MED27: variants seen among roughly 807,000 people sequenced by gnomAD.
MED27 encodes mediator of RNA polymerase II transcription subunit 27.
MED27 carries 30 observed loss-of-function variants against 38.2 expected under a neutral mutation model. The observed-to-expected ratio is 0.79, with a 90% CI of 0.59 to 1.07. MED27 has a LOEUF of 1.07. MED27 is among the 50% of genes least tolerant of loss of function. The pLI is 0.00. For synonymous variants in MED27, 122 were observed against 153.5 expected, an observed-to-expected ratio of 0.79 and a Z score of 1.52; for missense variants, 289 against 397.5, an observed-to-expected ratio of 0.73 and a Z score of 2.32.
chr9:132,026,249 C>A (rs1210455188), intron 2 of MED27, among the ~76,000 whole-genome samples: 4 of 152,208 alleles, frequency 2.6e-5, no homozygotes, highest in Non-Finnish European at 5.9e-5. Flanking sequence ...TGGAAAGTAG[C>A]CTGCTTTGGG....
intron 2 of MED27, among the ~76,000 whole-genome samples, chr9:132,070,482 A>G (rs776539722): frequency 6.6e-6 from 1 of 152,200 alleles, no homozygotes; most frequent in African/African-American, 2.4e-5. Context: ...TCTTGAGCCC[A>G]TAAGGCTGAA....
chr9:131,872,375 G>A lies in MED27; in HGVS notation c.724-9235C>T, dbSNP rs753932144. On this transcript the variant is annotated intron_variant, in intron 6 of 7. Coordinates refer to ENST00000292035, the MANE Select transcript of MED27 (RefSeq NM_004269.4). This position sits in a 1 kb window ranked among gnomAD's most constrained non-coding sequence, Gnocchi z 5.6. ...AGAAGAGCGGGCGCCTCTACTATTC[G>A]GAGTATTTCCTCACAAGATTAGTAA... 1.1e-3 allele frequency among the ~76,000 whole-genome samples: 174 copies of A among 152,316 alleles called. No homozygotes were observed. Among genetic ancestry groups the A allele is most frequent in the Non-Finnish European group, 1.3e-3 (86 of 68,032 alleles).
chr9:132,007,338 T>A (rs1200686765), intron 3 of MED27, among the ~76,000 whole-genome samples: 1 of 151,986 alleles, frequency 6.6e-6, no homozygotes, highest in African/African-American at 2.4e-5. Flanking sequence ...ACCAGTAAGC[T>A]CCAAAGAACA....
intron 2 of MED27, among the ~76,000 whole-genome samples, chr9:132,067,781 G>A (rs995330927): frequency 3.3e-5 from 5 of 151,666 alleles, no homozygotes; most frequent in South Asian, 2.1e-4. Flanking sequence ...GTGTGATCTC[G>A]GCTCATTGCA....
At chr9:132,052,406 A>G (rs558213969) in intron 2 of MED27, among the ~76,000 whole-genome samples, 6 of 152,350 alleles carry the variant, frequency 3.9e-5, no homozygotes, top group Middle Eastern at 3.4e-3. Context: ...CTATCAGGAT[A>G]AAGCCTAATA....
chr9:132,033,510 C>G (rs1833008248), intron 2 of MED27, among the ~76,000 whole-genome samples: 1 of 152,172 alleles, frequency 6.6e-6, no homozygotes, highest in African/African-American at 2.4e-5. Context: ...CCTCCCCTTT[C>G]ACTCCCCTAA....
chr9:131,894,816 AGGTG>A (rs936673958), intron 4 of MED27, among the ~76,000 whole-genome samples: 10 of 151,866 alleles, frequency 6.6e-5, no homozygotes, highest in African/African-American at 2.4e-4. Context: ...TGGTGTTGGG[AGGTG>A]GGGCCTAGTG....
At chr9:131,976,136 C>T (rs770543018) in intron 3 of MED27, among the ~76,000 whole-genome samples, 1 of 152,134 alleles carries the variant, frequency 6.6e-6, no homozygotes, top group African/African-American at 2.4e-5. Flanking sequence ...TGTGTGTGGA[C>T]CAGAGCTGTA....
chr9:131,874,574 T>C (rs1218700460), intron 6 of MED27, among the ~76,000 whole-genome samples: 2 of 151,708 alleles, frequency 1.3e-5, no homozygotes, highest in Non-Finnish European at 2.9e-5. Context: ...GAAGCAGAGG[T>C]GGACACTGCC....
chr9:132,040,788 G>A (rs1833192429), intron 2 of MED27, among the ~76,000 whole-genome samples: 1 of 152,188 alleles, frequency 6.6e-6, no homozygotes, highest in Non-Finnish European at 1.5e-5. Flanking sequence ...AGCACACACG[G>A]CAGGATATTC....
At chr9:131,890,274 G>A (rs1341526520) in intron 5 of MED27, among the ~76,000 whole-genome samples, 3 of 152,160 alleles carry the variant, frequency 2.0e-5, no homozygotes, top group Non-Finnish European at 4.4e-5. Flanking sequence ...TAACAAAGAG[G>A]CCTGGTTCTC....
intron 3 of MED27, among the ~76,000 whole-genome samples, chr9:131,984,650 C>A (rs1831810975): frequency 1.3e-5 from 2 of 152,204 alleles, no homozygotes. Flanking sequence ...GAGGAGGTGT[C>A]ATTTCAGCTA....
At chr9:131,942,063 G>C (rs894373673) in intron 3 of MED27, among the ~76,000 whole-genome samples, 4 of 152,032 alleles carry the variant, frequency 2.6e-5, no homozygotes, top group African/African-American at 9.7e-5. Context: ...CTGACCTTGT[G>C]ATCTGCCCAC....
chr9:131,927,172 A>G (rs953345005), intron 4 of MED27, among the ~76,000 whole-genome samples: 4 of 152,220 alleles, frequency 2.6e-5, no homozygotes, highest in African/African-American at 9.7e-5. Flanking sequence ...GATTTATTAA[A>G]TCATGAGTTA....
At position 131,883,907 on chromosome 9, in the gene MED27, G is replaced by A. The variant is rs990847641; in HGVS notation, c.723+151C>T. 2.5e-5 allele frequency: 16 copies of A among 648,766 alleles called. No homozygotes were observed. In the Admixed American group the frequency reaches 2.9e-4, roughly 12 times the overall value. The allele number at this position is 648,766 out of a possible 1,614,324, so 40.2% of individuals were successfully genotyped here. A position where few individuals can be genotyped will look rare whatever the true frequency, so the allele number is the denominator to read the frequency against. ...CTAAGGTTTTGTTTTTTTCCAGAATGTCATACATATGGAATCAGACAGTGA... is the reference window on the plus strand; with the variant it reads ...CTAAGGTTTTGTTTTTTTCCAGAATATCATACATATGGAATCAGACAGTGA... On this transcript the variant is annotated intron_variant, in intron 6 of 7. Coordinates refer to ENST00000292035, the MANE Select transcript of MED27 (RefSeq NM_004269.4). This position sits in a 1 kb window ranked among gnomAD's most constrained non-coding sequence, Gnocchi z 4.2.
At chr9:131,896,939 C>G (rs1293887791) in intron 4 of MED27, among the ~76,000 whole-genome samples, 1 of 152,014 alleles carries the variant, frequency 6.6e-6, no homozygotes, top group Non-Finnish European at 1.5e-5. Flanking sequence ...ACCATGTTGA[C>G]CAGGCTGGTC....
chr9:131,863,918 T>C (rs1227800218), intron 6 of MED27, among the ~76,000 whole-genome samples: 2 of 152,132 alleles, frequency 1.3e-5, no homozygotes, highest in Non-Finnish European at 2.9e-5. Flanking sequence ...GGTGACCAGA[T>C]GGACAGAGCA....
chr9:131,906,617 T>C (rs996275847), intron 4 of MED27, among the ~76,000 whole-genome samples: 5 of 152,148 alleles, frequency 3.3e-5, no homozygotes, highest in African/African-American at 1.2e-4. Context: ...CTGGCTGCTT[T>C]GTGGAGGCAT....
intron 2 of MED27, among the ~76,000 whole-genome samples, chr9:132,035,112 G>C (rs1833046378): frequency 6.6e-6 from 1 of 152,112 alleles, no homozygotes. Flanking sequence ...TGCAATAAAG[G>C]GGAAGGTGTT....
Sources: gnomAD v4.1 joint callset for allele counts (sites outside exome capture counted in the v4.1 genomes callset) on GRCh38, gnomAD v4.1.1 for gene constraint, Gnocchi (gnomAD v3.1) non-coding constraint, MANE v1.5 for transcripts, NCBI Gene and HGNC (gene_info 2026-07-23, HGNC 2026-07-21) for gene names.